ATP13A5: variants seen among roughly 807,000 people sequenced by gnomAD.
The protein encoded by ATP13A5 is ATPase 13A5.
ATP13A5 carries 149 observed loss-of-function variants against 150.2 expected under a neutral mutation model. The observed-to-expected ratio is 0.99, with a 90% CI of 0.87 to 1.14. The LOEUF (loss-of-function observed/expected upper bound fraction) is 1.14. ATP13A5 is among the 50% of genes most tolerant of loss of function. ATP13A5 has a pLI of 0.00. For missense variants in ATP13A5, 1,383 were observed against 1,449.3 expected (o/e 0.95, Z 0.74); for synonymous variants, 497 against 522.2 (o/e 0.95, Z 0.66).
intron 8 of ATP13A5, 66 bp downstream of exon 8, chr3:193,344,937 G>A (rs1712275346): frequency 7.0e-7 from 1 of 1,419,948 alleles, no homozygotes; most frequent in African/African-American, 1.4e-5. Flanking sequence ...TAATAATTAA[G>A]GACAAATGAG....
At chr3:193,308,003 T>C (rs1718681871) in intron 21 of ATP13A5, among the ~76,000 whole-genome samples, 2 of 152,204 alleles carry the variant, frequency 1.3e-5, no homozygotes, top group South Asian at 4.1e-4. Flanking sequence ...TTATAAGTTA[T>C]ACATTATAAG....
intron 23 of ATP13A5, among the ~76,000 whole-genome samples, chr3:193,301,969 A>G (rs1718413021): frequency 6.6e-6 from 1 of 152,196 alleles, no homozygotes; most frequent in Non-Finnish European, 1.5e-5. Context: ...ATTCGGTCTT[A>G]GCTATTAACG....
chr3:193,279,997 A>AAAAAG, intron 27 of ATP13A5, among the ~76,000 whole-genome samples: 1 of 150,352 alleles, frequency 6.7e-6, no homozygotes. Context: ...AAAAAAAAAA[A>AAAAAG]AAAAAAGCCC....
rs779783630 is a variant in ATP13A5 at position 193,314,956 on chromosome 3, A to G, written c.2158+16T>C. On this transcript the variant is annotated intron_variant, in intron 18 of 29. Coordinates refer to ENST00000342358, the MANE Select transcript of ATP13A5 (RefSeq NM_198505.4). ...GATACAATCAACTTGCCAGGCCCCT[A>G]GAAACAAATACATACCTGTAATCAT... 9 of 1,610,412 alleles carry G rather than the reference A, an allele frequency of 5.6e-6. No homozygotes were observed. The highest frequency in any genetic ancestry group is 1.1e-5 in the South Asian group (1 of 90,480).
chr3:193,376,742 G>A (rs1401325133), intron 1 of ATP13A5, among the ~76,000 whole-genome samples: 1 of 152,008 alleles, frequency 6.6e-6, no homozygotes, highest in Non-Finnish European at 1.5e-5. Context: ...TTCCCCATCC[G>A]GCTTCCTTCT....
chr3:193,284,134 C>T (rs534952883), intron 27 of ATP13A5, among the ~76,000 whole-genome samples: 12 of 151,800 alleles, frequency 7.9e-5, no homozygotes, highest in Non-Finnish European at 1.2e-4. Context: ...AATCCTCTCA[C>T]CTCAGCCTCC....
intron 29 of ATP13A5, among the ~76,000 whole-genome samples, chr3:193,276,119 T>C (rs991374754): frequency 1.3e-5 from 2 of 152,192 alleles, no homozygotes; most frequent in African/African-American, 2.4e-5. Context: ...CCTTTAAACA[T>C]ATATAATGAG....
chr3:193,292,843 T>C (rs57732980), intron 25 of ATP13A5, among the ~76,000 whole-genome samples: 4,333 of 152,184 alleles, frequency 0.028, 178 homozygotes, highest in African/African-American at 0.099. Flanking sequence ...ACCTAATGCA[T>C]ACAGGGTTCT....
intron 29 of ATP13A5, 64 bp from the exon 30 acceptor site, chr3:193,275,366 G>A (rs1463586244): frequency 6.5e-7 from 1 of 1,548,564 alleles, no homozygotes; most frequent in African/African-American, 1.4e-5. Context: ...CAGGCCGCTG[G>A]CCACCACAGC....
Position 193,331,321 on chromosome 3 carries a change from G to A in ATP13A5, c.1273-10C>T. 1.2e-6 allele frequency: 2 copies of A among 1,609,816 alleles called. No homozygotes were observed. The highest frequency in any genetic ancestry group is 1.7e-6 in the Non-Finnish European group (2 of 1,178,640). ...TATCTTTTGGAGGAACCTGGGAGAGGACAGACATTTTCATACAGGATAGCC... is the reference window on the plus strand; with the variant it reads ...TATCTTTTGGAGGAACCTGGGAGAGAACAGACATTTTCATACAGGATAGCC... On this transcript the variant is annotated splice_polypyrimidine_tract_variant and intron_variant, in intron 11 of 29. Transcript: ENST00000342358.
At chr3:193,357,704 T>A (rs1712844964) in intron 5 of ATP13A5, among the ~76,000 whole-genome samples, 1 of 152,190 alleles carries the variant, frequency 6.6e-6, no homozygotes, top group South Asian at 2.1e-4. Flanking sequence ...ACCTGCCTAA[T>A]AGTTCCAACT....
chr3:193,327,409 C>T (rs746607634), intron 12 of ATP13A5, among the ~76,000 whole-genome samples: 1 of 152,158 alleles, frequency 6.6e-6, no homozygotes, highest in African/African-American at 2.4e-5. Flanking sequence ...TTAGTTGTCA[C>T]CTGCTATCTC....
At chr3:193,324,379 A>T (rs1477192015) in intron 14 of ATP13A5, among the ~76,000 whole-genome samples, 1 of 152,210 alleles carries the variant, frequency 6.6e-6, no homozygotes, top group Non-Finnish European at 1.5e-5. Context: ...TCAGTTGCAG[A>T]GCCACATTTC....
At chr3:193,284,722 G>C (rs897754697) in intron 27 of ATP13A5, among the ~76,000 whole-genome samples, 192 bp downstream of exon 27, 1 of 152,210 alleles carries the variant, frequency 6.6e-6, no homozygotes, top group Non-Finnish European at 1.5e-5. Flanking sequence ...AATAATGTCT[G>C]TGCTTATCTG....
chr3:193,306,348 C>T (rs1367933869), intron 22 of ATP13A5, among the ~76,000 whole-genome samples: 1 of 152,028 alleles, frequency 6.6e-6, no homozygotes, highest in African/African-American at 2.4e-5. Context: ...GAGGCAGAGA[C>T]TATGTCCCTT....
chr3:193,351,234 G>C, intron 6 of ATP13A5, 33 bp from the exon 7 acceptor site: 1 of 1,612,584 alleles, frequency 6.2e-7, no homozygotes, highest in East Asian at 2.2e-5. Flanking sequence ...TGGGTCACTT[G>C]CATGAACCTT....
At chr3:193,281,793 T>C (rs1474750727) in intron 27 of ATP13A5, among the ~76,000 whole-genome samples, 1 of 152,112 alleles carries the variant, frequency 6.6e-6, no homozygotes, top group Non-Finnish European at 1.5e-5. Context: ...AAATTATCAG[T>C]TATGTCTGGT....
intron 10 of ATP13A5, among the ~76,000 whole-genome samples, chr3:193,334,659 C>T (rs918816444): frequency 6.6e-5 from 10 of 152,058 alleles, no homozygotes; most frequent in African/African-American, 2.2e-4. Flanking sequence ...ATAGAAGCAG[C>T]GTATGGTCAC....
intron 12 of ATP13A5, among the ~76,000 whole-genome samples, chr3:193,329,208 T>A (rs1002281150): frequency 6.7e-6 from 1 of 150,356 alleles, no homozygotes; most frequent in Admixed American, 6.6e-5. Context: ...ACCACTGCAC[T>A]CCAGCCTGGT....
Sources: allele counts gnomAD v4.1 joint callset (sites outside exome capture counted in the v4.1 genomes callset), GRCh38; gene constraint gnomAD v4.1.1; transcripts MANE v1.5; gene names NCBI Gene and HGNC (gene_info 2026-07-23, HGNC 2026-07-21).